Variants in TRIM65 observed in about 807,000 individuals in gnomAD.
The protein encoded by TRIM65 is E3 ubiquitin-protein ligase TRIM65.
Under a neutral mutation model 36.1 loss-of-function variants are expected in TRIM65, and 46 were observed. That is an observed-to-expected ratio of 1.27 (90% CI 1.01 to 1.63). The LOEUF is 1.63. Ranked by LOEUF, TRIM65 falls within the 40% of genes most tolerant of loss-of-function variation. The pLI is 0.00. For missense variants in TRIM65, 708 were observed against 696.6 expected (o/e 1.02, Z -0.18); for synonymous variants, 346 against 313.6 (o/e 1.10, Z -1.09).
At chr17:75,887,807 G>A (rs965998508), downstream of TRIM65, among the ~76,000 whole-genome samples, 3 of 152,160 alleles carry the variant, frequency 2.0e-5, no homozygotes, top group Non-Finnish European at 4.4e-5. Context: ...GGATCACGAG[G>A]TCAAGAGTTT....
At chr17:75,894,485 C>A (rs2065317667) in intron 1 of TRIM65, among the ~76,000 whole-genome samples, 2 of 152,250 alleles carry the variant, frequency 1.3e-5, no homozygotes, top group African/African-American at 2.4e-5. Context: ...CACAGGGCTG[C>A]CATTCCCCCG....
chr17:75,883,025 A>C (rs2065178760), intron 4 of TRIM65, among the ~76,000 whole-genome samples: 1 of 149,842 alleles, frequency 6.7e-6, no homozygotes, highest in Non-Finnish European at 1.5e-5. Flanking sequence ...GATGACAGTA[A>C]TTGAAAAGCT....
Position 75,896,901 on chromosome 17 carries a change from C to A in TRIM65, c.37G>T (p.Ala13Ser), listed in dbSNP as rs374692828. The A allele has an allele frequency of 4.6e-6, 7 of 1,515,330 alleles. No individual in the cohort carries two copies. In the Admixed American group the frequency reaches 1.5e-4, roughly 32 times the overall value. 93.9% of individuals were successfully genotyped at this position (1,515,330 alleles called of 1,614,324 possible). A position where few individuals can be genotyped will look rare whatever the true frequency, so the allele number is the denominator to read the frequency against. Residue 13 changes from alanine (A) to serine (S), a missense_variant, in exon 1 of 6, where the codon GCC becomes TCC. Coordinates refer to ENST00000269383, the MANE Select transcript of TRIM65 (RefSeq NM_173547.4). ...AQLLEEKLTC[A>S]ICLGLYQDPV... Reference sequence around the variant, plus strand: ...TCCTGGTAGAGCCCCAGGCAGATGGCGCAGGTCAGCTTCTCCTCCAGCAGC... The same window carrying A: ...TCCTGGTAGAGCCCCAGGCAGATGGAGCAGGTCAGCTTCTCCTCCAGCAGC...
downstream of TRIM65, among the ~76,000 whole-genome samples, chr17:75,885,039 C>T (rs1359254940): frequency 2.0e-5 from 3 of 151,134 alleles, no homozygotes; most frequent in South Asian, 2.1e-4. Context: ...CGGGTTAAAG[C>T]GATTCTTCTG....
intron 4 of TRIM65, among the ~76,000 whole-genome samples, chr17:75,881,481 G>A (rs2065169437): frequency 6.6e-6 from 1 of 150,436 alleles, no homozygotes; most frequent in African/African-American, 2.5e-5. Flanking sequence ...CTGCTTCCTG[G>A]GTTGTAGATG....
chr17:75,894,346 G>C (rs2065315718), intron 1 of TRIM65, among the ~76,000 whole-genome samples: 1 of 152,198 alleles, frequency 6.6e-6, no homozygotes. Flanking sequence ...GCTGAAATGG[G>C]TTTTGTCAAG....
At chr17:75,892,595 G>T in intron 2 of TRIM65, 95 bp from the exon 3 acceptor site, 1 of 1,297,964 alleles carries the variant, frequency 7.7e-7, no homozygotes, top group Non-Finnish European at 1.1e-6. Flanking sequence ...TGAGGGTCAG[G>T]GATGTGGGGA....
rs1321308233 is a variant in TRIM65 at position 75,892,595 on chromosome 17, G to A, written c.511-95C>T. 42 of 1,297,846 alleles carry A rather than the reference G, an allele frequency of 3.2e-5. 2 individuals are homozygous for A. The highest frequency in any genetic ancestry group is 4.2e-5 in the Non-Finnish European group (39 of 932,882). The allele number at this position is 1,297,846 out of a possible 1,614,324, so 80.4% of individuals were successfully genotyped here. ...GGCTGCCTGCTGGGCTGAGGGTCAG[G>A]GATGTGGGGAGGCAGGGTCCCGGGA... On this transcript the variant is annotated intron_variant, in intron 2 of 5. Coordinates refer to ENST00000269383, the MANE Select transcript of TRIM65 (RefSeq NM_173547.4).
At chr17:75,894,749 T>A (rs1237183260) in intron 1 of TRIM65, among the ~76,000 whole-genome samples, 1 of 152,218 alleles carries the variant, frequency 6.6e-6, no homozygotes, top group Non-Finnish European at 1.5e-5. Context: ...CAGGATGGTC[T>A]CAATCTCCTG....
At chr17:75,883,120 C>CTTT (rs566533056) in intron 4 of TRIM65, among the ~76,000 whole-genome samples, 1 of 135,988 alleles carries the variant, frequency 7.4e-6, no homozygotes, top group Non-Finnish European at 1.6e-5. Context: ...TTTCTTTATG[C>CTTT]TTTTTTTTTT....
At chr17:75,879,603 C>T (rs570160307), downstream of TRIM65, 31 of 150,692 alleles carry the variant, frequency 2.1e-4, 1 homozygote, top group African/African-American at 7.5e-4. Context: ...AAACACTACA[C>T]CAGAATGACA....
At chr17:75,892,905 T>C (rs902349664) in intron 1 of TRIM65, 55 bp from the exon 2 acceptor site, 17 of 1,521,750 alleles carry the variant, frequency 1.1e-5, no homozygotes, top group Non-Finnish European at 1.3e-5. Context: ...TTGGCTGTGA[T>C]GTCCTTTCTC....
intron 1 of TRIM65, among the ~76,000 whole-genome samples, chr17:75,893,219 A>G (rs1567846433): frequency 6.6e-6 from 1 of 152,208 alleles, no homozygotes; most frequent in Non-Finnish European, 1.5e-5. Context: ...ATGCTGGCTC[A>G]GGAGGCCTCG....
rs1173698707 is a variant in TRIM65 at position 75,889,718 on chromosome 17, T to C, written c.*1061A>G. On this transcript the variant is annotated 3_prime_UTR_variant, in exon 6 of 6. Transcript: ENST00000269383. ...GTATAAAAAAATCTTCAAGTGCTCATTGTTCCCTGAGTGACTCACTTGAGG... is the reference window on the plus strand; with the variant it reads ...GTATAAAAAAATCTTCAAGTGCTCACTGTTCCCTGAGTGACTCACTTGAGG... 1 of 152,168 alleles carries C rather than the reference T, an allele frequency of 6.6e-6. No individual in the cohort carries two copies. Among genetic ancestry groups the C allele is most frequent in the Non-Finnish European group, 1.5e-5 (1 of 68,028 alleles). The allele number at this position is 152,168 out of a possible 1,614,324, so 9.4% of individuals were successfully genotyped here. A position where few individuals can be genotyped will look rare whatever the true frequency, so the allele number is the denominator to read the frequency against.
rs2065233683 is a variant in TRIM65, at chr17:75,889,079, CAG to C, written c.*1698_*1699del. On this transcript the variant is annotated 3_prime_UTR_variant, in exon 6 of 6. Coordinates refer to ENST00000269383, the MANE Select transcript of TRIM65 (RefSeq NM_173547.4). Reference sequence around the variant, plus strand: ...TCCCTTTTTTTTTTTTTTTTTGAGACAGAGTCTCGCTCTGTCACCCAGGCTGT... The same window carrying C: ...TCCCTTTTTTTTTTTTTTTTTGAGACAGTCTCGCTCTGTCACCCAGGCTGT... 2 of 133,842 alleles carry C rather than the reference CAG, an allele frequency of 1.5e-5. No individual in the cohort carries two copies. The highest frequency in any genetic ancestry group is 4.7e-4 in the South Asian group (2 of 4,228). The allele number at this position is 133,842 out of a possible 1,614,324, so 8.3% of individuals were successfully genotyped here.
chr17:75,893,089 C>G (rs1276220817), intron 1 of TRIM65, among the ~76,000 whole-genome samples: 3 of 152,252 alleles, frequency 2.0e-5, no homozygotes, highest in Non-Finnish European at 4.4e-5. Flanking sequence ...AGAGCGGAAG[C>G]CTTGGGCTCA....
At chr17:75,892,600 T>G in intron 2 of TRIM65, 100 bp from the exon 3 acceptor site, 7 of 1,283,442 alleles carry the variant, frequency 5.5e-6, no homozygotes, top group Non-Finnish European at 7.6e-6. Context: ...GTCAGGGATG[T>G]GGGGAGGCAG....
In TRIM65 at chr17:75,888,995, T is replaced by C. The variant is rs2065232070; in HGVS notation, c.*1784A>G. ...AAAAAGTTTTATTGTGAAATATTTA[T>C]CCATGAGTACATATAACATAGATGT... On this transcript the variant is annotated 3_prime_UTR_variant, in exon 6 of 6. Coordinates refer to ENST00000269383, the MANE Select transcript of TRIM65 (RefSeq NM_173547.4). 1 of 151,850 alleles carries C rather than the reference T, an allele frequency of 6.6e-6. No individual in the cohort carries two copies. Among genetic ancestry groups the C allele is most frequent in the African/African-American group, 2.4e-5 (1 of 41,390 alleles). The allele number at this position is 151,850 out of a possible 1,614,324, so 9.4% of individuals were successfully genotyped here. A position where few individuals can be genotyped will look rare whatever the true frequency, so the allele number is the denominator to read the frequency against.
At chr17:75,895,883 C>T (rs913178259) in intron 1 of TRIM65, among the ~76,000 whole-genome samples, 1 of 152,228 alleles carries the variant, frequency 6.6e-6, no homozygotes, top group Non-Finnish European at 1.5e-5. Flanking sequence ...TGAAAGGAGG[C>T]TCTCGGAGCG....
Sources: gnomAD v4.1 joint callset for allele counts (sites outside exome capture counted in the v4.1 genomes callset) on GRCh38, gnomAD v4.1.1 for gene constraint, MANE v1.5 for transcripts, NCBI Gene and HGNC (gene_info 2026-07-23, HGNC 2026-07-21) for gene names.